CACNA1I: variants seen among roughly 807,000 people sequenced by gnomAD.
CACNA1I encodes the protein calcium voltage-gated channel subunit alpha1 I.
A neutral mutation model predicts 201.6 loss-of-function variants in CACNA1I; 74 were observed. That is an observed-to-expected ratio of 0.37 (90% CI 0.30 to 0.45). The LOEUF (loss-of-function observed/expected upper bound fraction) is 0.45, where lower values mean the gene tolerates loss of function less well. Among genes scored for constraint, CACNA1I ranks in the 20% least tolerant of loss-of-function variants. The pLI is 1.00. For synonymous variants in CACNA1I, 1,431 were observed against 1,345.2 expected (o/e 1.06, Z -1.40); for missense variants, 2,346 against 3,138.1 (o/e 0.75, Z 6.03).
At chr22:39,586,520 A>ATAAG in intron 1 of CACNA1I, among the ~76,000 whole-genome samples, 1 of 152,028 alleles carries the variant, frequency 6.6e-6, no homozygotes, top group South Asian at 2.1e-4. Flanking sequence ...AAATAAATAA[A>ATAAG]TAAAAACTTT....
At chr22:39,658,416 A>G (rs1225427250) in intron 11 of CACNA1I, 113 bp downstream of exon 11, 1 of 986,644 alleles carries the variant, frequency 1.0e-6, no homozygotes, top group Non-Finnish European at 1.5e-6. Flanking sequence ...CGTTGCACTG[A>G]AACAATTATC....
intron 7 of CACNA1I, 127 bp from the exon 8 acceptor site, chr22:39,646,442 C>A: frequency 7.2e-7 from 1 of 1,392,848 alleles, no homozygotes. Flanking sequence ...TCTCCATCTC[C>A]CCATCTCCCT....
chr22:39,642,497 G>A (rs971550934), intron 6 of CACNA1I, among the ~76,000 whole-genome samples: 1 of 152,208 alleles, frequency 6.6e-6, no homozygotes, highest in Admixed American at 6.5e-5. Context: ...TGGAGCAGGG[G>A]CAGGCTCCCT....
chr22:39,678,419 C>T (rs1269929784), intron 31 of CACNA1I, among the ~76,000 whole-genome samples: 2 of 152,236 alleles, frequency 1.3e-5, no homozygotes, highest in African/African-American at 2.4e-5. Context: ...CAGGGCCAGG[C>T]CCCCTAGTGA....
intron 3 of CACNA1I, among the ~76,000 whole-genome samples, chr22:39,608,671 TAAAA>T (rs762238457): frequency 8.2e-6 from 1 of 122,010 alleles, no homozygotes; most frequent in Non-Finnish European, 1.7e-5. Context: ...AAACCACAGC[TAAAA>T]AAAAAAAAAA....
At chr22:39,681,399 C>T (rs1182070845) in intron 34 of CACNA1I, among the ~76,000 whole-genome samples, 5 of 152,332 alleles carry the variant, frequency 3.3e-5, no homozygotes, top group Admixed American at 2.0e-4. Flanking sequence ...CAGGCACAAG[C>T]ACCTGCTATG....
At chr22:39,586,130 A>G (rs1363775246) in intron 1 of CACNA1I, among the ~76,000 whole-genome samples, 1 of 152,040 alleles carries the variant, frequency 6.6e-6, no homozygotes, top group Non-Finnish European at 1.5e-5. Context: ...GTGAGCCGAG[A>G]TCGTGCCATT....
At chr22:39,646,421 C>G in intron 7 of CACNA1I, 148 bp from the exon 8 acceptor site, 1 of 1,287,674 alleles carries the variant, frequency 7.8e-7, no homozygotes. Flanking sequence ...GCCTCTGTAC[C>G]GCCATCTCCA....
Position 39,662,054 on chromosome 22 carries a change from G to A in CACNA1I, c.2991G>A (p.Lys997=). The change falls in exon 17 of 37, where the codon AAG becomes AAA. Residue 997 remains lysine, a synonymous_variant. Coordinates refer to ENST00000402142, the MANE Select transcript of CACNA1I (RefSeq NM_021096.4). ...RRSSWNSLKH[K]PPSAEHESLL... is the part of the protein sequence containing the mutation. The stretch of plus-strand genomic sequence containing the variant: ...CCAGCTGGAACAGCCTCAAGCACAA[G>A]CCGCCGTCGGCGGAGCATGAGTCCC... 1.9e-6 allele frequency: 3 copies of A among 1,556,790 alleles called. No individual in the cohort carries two copies. The highest frequency in any genetic ancestry group is 2.6e-6 in the Non-Finnish European group (3 of 1,155,628).
chr22:39,668,121 G>A (rs569411823), intron 23 of CACNA1I, among the ~76,000 whole-genome samples, 171 bp from the exon 24 acceptor site: 1 of 152,298 alleles, frequency 6.6e-6, no homozygotes, highest in African/African-American at 2.4e-5. Context: ...CAGGCACATA[G>A]TAGGTCCTTA....
intron 23 of CACNA1I, among the ~76,000 whole-genome samples, chr22:39,667,067 T>C (rs9619825): frequency 0.11 from 16,347 of 152,238 alleles, 2,966 homozygotes; most frequent in African/African-American, 0.37. Flanking sequence ...CCTGGAGGGT[T>C]CCAACCTGGC....
At chr22:39,586,562 G>A (rs1465732640) in intron 1 of CACNA1I, among the ~76,000 whole-genome samples, 2 of 152,118 alleles carry the variant, frequency 1.3e-5, no homozygotes, top group African/African-American at 4.8e-5. Context: ...CACAGAAAAG[G>A]TTAAGAACCC....
At chr22:39,631,811 T>C (rs972382413) in intron 4 of CACNA1I, among the ~76,000 whole-genome samples, 5 of 152,210 alleles carry the variant, frequency 3.3e-5, no homozygotes, top group African/African-American at 1.2e-4. Flanking sequence ...TACTTGACTG[T>C]GGGCATGAAA....
At chr22:39,581,391 G>A (rs1408624235) in intron 1 of CACNA1I, among the ~76,000 whole-genome samples, 2 of 152,192 alleles carry the variant, frequency 1.3e-5, no homozygotes, top group Non-Finnish European at 2.9e-5. Context: ...CTGGAGGGCA[G>A]AACGGAAGAC....
chr22:39,665,039 T>G lies in CACNA1I; in HGVS notation c.3851+116T>G. The G allele has an allele frequency of 1.0e-6, 1 of 954,160 alleles. No homozygotes were observed. The highest frequency in any genetic ancestry group is 1.6e-6 in the Non-Finnish European group (1 of 636,902). The allele number at this position is 954,160 out of a possible 1,614,324, so 59.1% of individuals were successfully genotyped here. Reference sequence around the variant, plus strand: ...GCCCGCCCACTCGGTCCTCCAATAGTGAGTGCCAAACACCCTGAGCTGTTC... The same window carrying G: ...GCCCGCCCACTCGGTCCTCCAATAGGGAGTGCCAAACACCCTGAGCTGTTC... On this transcript the variant is annotated intron_variant, in intron 21 of 36. Coordinates refer to ENST00000402142, the MANE Select transcript of CACNA1I (RefSeq NM_021096.4). The surrounding 1 kb of genome is among the most constrained non-coding windows in gnomAD (Gnocchi z 5.5).
intron 26 of CACNA1I, among the ~76,000 whole-genome samples, 155 bp from the exon 27 acceptor site, chr22:39,672,044 C>T (rs1257111282): frequency 5.3e-5 from 8 of 152,140 alleles, no homozygotes; most frequent in Non-Finnish European, 1.0e-4. Context: ...AAATAGTACA[C>T]ACTAAGATGG....
chr22:39,624,626 G>A (rs1312787525), intron 4 of CACNA1I, among the ~76,000 whole-genome samples: 3 of 152,200 alleles, frequency 2.0e-5, no homozygotes, highest in Non-Finnish European at 2.9e-5. Context: ...GCGATTCTGC[G>A]GGAGCCGCAG....
At chr22:39,664,242 C>T in intron 20 of CACNA1I, 83 bp downstream of exon 20, 1 of 1,147,096 alleles carries the variant, frequency 8.7e-7, no homozygotes, top group Non-Finnish European at 1.3e-6. Context: ...CAGCTTGTCA[C>T]TCGCCTGCCA....
chr22:39,623,468 G>A (rs1933809539), intron 4 of CACNA1I, among the ~76,000 whole-genome samples: 1 of 152,074 alleles, frequency 6.6e-6, no homozygotes, highest in South Asian at 2.1e-4. Flanking sequence ...GTGTTGTGAG[G>A]GTGTGTGCTG....
Sources: allele counts gnomAD v4.1 joint callset (sites outside exome capture counted in the v4.1 genomes callset), GRCh38; gene constraint gnomAD v4.1.1; non-coding constraint Gnocchi (gnomAD v3.1); transcripts MANE v1.5; gene names NCBI Gene and HGNC (gene_info 2026-07-23, HGNC 2026-07-21).